The following CALCR variants were observed in gnomAD, a reference collection of about 807,000 sequenced individuals.
CALCR encodes calcitonin receptor.
In CALCR, 47 loss-of-function variants were observed where a neutral mutation model predicts 59.5. That is an observed-to-expected ratio of 0.79 (90% CI 0.63 to 1.01). The LOEUF is 1.01. Ranked by LOEUF, CALCR falls within the 50% of genes least tolerant of loss-of-function variation. CALCR has a pLI of 0.00. For synonymous variants in CALCR, 213 were observed against 211.3 expected, an observed-to-expected ratio of 1.01 and a Z score of -0.07; for missense variants, 566 against 597.1, an observed-to-expected ratio of 0.95 and a Z score of 0.54.
Position 93,497,498 on chromosome 7 carries a change from AAGG to A in CALCR, c.-26-10494_-26-10492del, listed in dbSNP as rs1210634361. 1.1e-4 allele frequency among the ~76,000 whole-genome samples: 17 copies of A among 151,692 alleles called. 1 individual carries two copies. In the East Asian group the frequency reaches 1.8e-3, roughly 16 times the overall value. ...TTTGTGGATGAGCAACTCAAAGCTC[AAGG>A]AGATTAGGAGATTAGGTTAGTTTCC... On this transcript the variant is annotated intron_variant, in intron 2 of 13. Transcript: ENST00000426151.
intron 7 of CALCR, among the ~76,000 whole-genome samples, chr7:93,467,622 CAT>C (rs766140042): frequency 6.6e-5 from 10 of 151,524 alleles, no homozygotes; most frequent in Non-Finnish European, 1.5e-5. Context: ...CCATTTTAAA[CAT>C]ATAGTTCAGT....
intron 2 of CALCR, among the ~76,000 whole-genome samples, chr7:93,531,246 T>C (rs1477273439): frequency 2.0e-5 from 3 of 152,158 alleles, no homozygotes; most frequent in Admixed American, 1.3e-4. Context: ...TAACGCTATA[T>C]GGATGCTAAA....
chr7:93,495,843 G>A, intron 2 of CALCR: 8 of 1,360,218 alleles, frequency 5.9e-6, no homozygotes, highest in Non-Finnish European at 8.1e-6. Context: ...ATTGTAAGAG[G>A]TTCAGTTACT....
chr7:93,434,665 A>G (rs1227895711), intron 12 of CALCR, among the ~76,000 whole-genome samples: 2 of 152,118 alleles, frequency 1.3e-5, no homozygotes, highest in African/African-American at 4.8e-5. Context: ...GATCTTTTAC[A>G]AGACAAGTGT....
intron 5 of CALCR, among the ~76,000 whole-genome samples, chr7:93,476,208 A>G (rs1800662973): frequency 6.6e-6 from 1 of 151,808 alleles, no homozygotes; most frequent in Admixed American, 6.6e-5. Context: ...AGGGCTGTAA[A>G]TGCTTCCTTG....
At chr7:93,549,319 T>G (rs374462180) in intron 2 of CALCR, among the ~76,000 whole-genome samples, 1 of 152,154 alleles carries the variant, frequency 6.6e-6, no homozygotes, top group Non-Finnish European at 1.5e-5. Context: ...ATTTTTCAAA[T>G]GACTATCTTA....
chr7:93,429,100 TTTAA>T, intron 13 of CALCR, among the ~76,000 whole-genome samples: 1 of 152,244 alleles, frequency 6.6e-6, no homozygotes, highest in Non-Finnish European at 1.5e-5. Flanking sequence ...CACGGCCTTC[TTTAA>T]TTGCGTCCAA....
intron 2 of CALCR, among the ~76,000 whole-genome samples, chr7:93,534,911 T>C (rs117439760): frequency 1.3e-5 from 2 of 151,868 alleles, no homozygotes; most frequent in Non-Finnish European, 3.0e-5. Context: ...AGGTGTTTTA[T>C]GTAGTGTTCA....
intron 2 of CALCR, among the ~76,000 whole-genome samples, chr7:93,524,558 A>C (rs2116104299): frequency 6.6e-6 from 1 of 152,116 alleles, no homozygotes; most frequent in East Asian, 1.9e-4. Flanking sequence ...CATATATTTT[A>C]TTATTAGCTT....
intron 2 of CALCR, among the ~76,000 whole-genome samples, chr7:93,532,860 A>AAAG (rs1715755124): frequency 7.5e-6 from 1 of 133,982 alleles, no homozygotes; most frequent in Admixed American, 7.7e-5. Flanking sequence ...AAAAAAAAAA[A>AAAG]AAATACTTAC....
intron 2 of CALCR, among the ~76,000 whole-genome samples, chr7:93,554,745 T>C (rs569778379): frequency 7.9e-6 from 1 of 127,204 alleles, no homozygotes; most frequent in South Asian, 2.5e-4. Flanking sequence ...GCAAAGATGA[T>C]AGATGTTCAA....
intron 2 of CALCR, among the ~76,000 whole-genome samples, chr7:93,519,689 T>C (rs1478152245): frequency 1.3e-5 from 2 of 152,066 alleles, no homozygotes; most frequent in African/African-American, 2.4e-5. Flanking sequence ...TTTGAATTAT[T>C]ATCCCCAGGT....
chr7:93,541,504 C>T (rs1049264835), intron 2 of CALCR, among the ~76,000 whole-genome samples: 1 of 152,048 alleles, frequency 6.6e-6, no homozygotes, highest in African/African-American at 2.4e-5. Context: ...AAGTTAAGTG[C>T]TAGAAACTGG....
chr7:93,447,374 A>C (rs1562977237), intron 8 of CALCR, among the ~76,000 whole-genome samples: 1 of 152,020 alleles, frequency 6.6e-6, no homozygotes, highest in Non-Finnish European at 1.5e-5. Flanking sequence ...AACATAGGAA[A>C]TCTTGTGTGG....
chr7:93,535,722 C>G (rs1788967482), intron 2 of CALCR, among the ~76,000 whole-genome samples: 1 of 151,356 alleles, frequency 6.6e-6, no homozygotes, highest in Non-Finnish European at 1.5e-5. Context: ...AATAAATAAC[C>G]TCAACTTATT....
chr7:93,477,902 G>A (rs1325552371), intron 4 of CALCR, among the ~76,000 whole-genome samples: 3 of 128,954 alleles, frequency 2.3e-5, no homozygotes, highest in Non-Finnish European at 3.1e-5. Context: ...CTTTGTAAAA[G>A]GTTCCAAAGT....
intron 7 of CALCR, 120 bp from the exon 8 acceptor site, chr7:93,461,067 A>G: frequency 3.7e-6 from 3 of 803,290 alleles, no homozygotes; most frequent in Non-Finnish European, 5.8e-6. Flanking sequence ...AACATATAGA[A>G]GAAAGTAAGG....
intron 13 of CALCR, among the ~76,000 whole-genome samples, chr7:93,433,691 G>C (rs1423126037): frequency 6.6e-6 from 1 of 152,174 alleles, no homozygotes; most frequent in East Asian, 1.9e-4. Flanking sequence ...TTGGAAGAAA[G>C]GGTAACTCTG....
chr7:93,516,876 A>G (rs1290828058), intron 2 of CALCR, among the ~76,000 whole-genome samples: 2 of 151,868 alleles, frequency 1.3e-5, no homozygotes, highest in African/African-American at 4.8e-5. Context: ...GCGGGTTTTT[A>G]GGAGACCACT....
Sources: allele counts gnomAD v4.1 joint callset (sites outside exome capture counted in the v4.1 genomes callset), GRCh38; gene constraint gnomAD v4.1.1; transcripts MANE v1.5; gene names NCBI Gene and HGNC (gene_info 2026-07-23, HGNC 2026-07-21).